Variants in PLEKHA5 observed in about 807,000 individuals in gnomAD.
PLEKHA5 encodes pleckstrin homology domain containing A5, also known as pleckstrin homology domain-containing family A member 5.
A neutral mutation model predicts 181.9 loss-of-function variants in PLEKHA5; 55 were observed. The observed-to-expected ratio is 0.30, with a 90% CI of 0.24 to 0.38. The LOEUF is 0.38. Ranked by LOEUF, PLEKHA5 falls within the 10% of genes least tolerant of loss-of-function variation. PLEKHA5 has a pLI of 1.00. For missense variants in PLEKHA5, 1,432 were observed against 1,549.5 expected (o/e 0.92, Z 1.27); for synonymous variants, 535 against 529.4 (o/e 1.01, Z -0.15).
intron 3 of PLEKHA5, among the ~76,000 whole-genome samples, chr12:19,199,866 G>A (rs1289842071): frequency 6.6e-6 from 1 of 152,072 alleles, no homozygotes; most frequent in Non-Finnish European, 1.5e-5. Flanking sequence ...GGAACTGGAG[G>A]TCATTAAGTG....
chr12:19,211,510 T>C (rs1477087877), intron 3 of PLEKHA5, among the ~76,000 whole-genome samples: 1 of 152,116 alleles, frequency 6.6e-6, no homozygotes. Flanking sequence ...ACCATGAACT[T>C]ATTCTCCTTT....
intron 29 of PLEKHA5, among the ~76,000 whole-genome samples, chr12:19,362,390 C>T (rs2095278440): frequency 1.3e-5 from 2 of 151,670 alleles, no homozygotes; most frequent in African/African-American, 4.8e-5. Context: ...AAAAATTAGC[C>T]AGACATGGTG....
intron 25 of PLEKHA5, among the ~76,000 whole-genome samples, chr12:19,351,352 C>T (rs1047858915): frequency 6.6e-6 from 1 of 152,104 alleles, no homozygotes; most frequent in Non-Finnish European, 1.5e-5. Context: ...GCCTGGGCAA[C>T]ATAACCAGAC....
intron 13 of PLEKHA5, among the ~76,000 whole-genome samples, chr12:19,287,801 G>A (rs1434600302): frequency 2.6e-5 from 4 of 152,116 alleles, no homozygotes; most frequent in African/African-American, 9.7e-5. Context: ...CTTTATGGCC[G>A]GGCACGGTGG....
At chr12:19,267,608 C>T (rs1053456651) in intron 8 of PLEKHA5, among the ~76,000 whole-genome samples, 6 of 151,660 alleles carry the variant, frequency 4.0e-5, no homozygotes, top group South Asian at 2.1e-4. Flanking sequence ...TGCAGTAAGC[C>T]GAGATCGTGC....
Position 19,287,544 on chromosome 12 carries a change from C to T in PLEKHA5, c.1851C>T (p.Leu617=). The part of the protein sequence containing the change: ...LTLQSVSPQS[L]QGKTPEELTL... Reference sequence around the variant, plus strand: ...TACAGTCTGTTAGTCCCCAGAGCCTCCAAGGGAAAACGGTGAGTAATATCT... The same window carrying T: ...TACAGTCTGTTAGTCCCCAGAGCCTTCAAGGGAAAACGGTGAGTAATATCT... The change falls in exon 13 of 32, where the codon CTC becomes CTT. Residue 617 remains leucine, a synonymous_variant. Transcript: ENST00000429027. 6.3e-7 allele frequency: 1 copy of T among 1,592,252 alleles called. No homozygotes were observed. The highest frequency in any genetic ancestry group is 8.6e-7 in the Non-Finnish European group (1 of 1,161,508).
At chr12:19,317,797 A>G (rs1334411789) in intron 16 of PLEKHA5, among the ~76,000 whole-genome samples, 5 of 152,070 alleles carry the variant, frequency 3.3e-5, no homozygotes, top group African/African-American at 2.4e-5. Flanking sequence ...TAAAATCCAT[A>G]TAACACACTC....
chr12:19,213,197 C>T (rs1312833873), intron 3 of PLEKHA5, among the ~76,000 whole-genome samples: 1 of 151,862 alleles, frequency 6.6e-6, no homozygotes, highest in East Asian at 1.9e-4. Flanking sequence ...GGATGGGGAA[C>T]GATTTCTTCT....
At chr12:19,229,691 A>G (rs939822834) in intron 3 of PLEKHA5, among the ~76,000 whole-genome samples, 4 of 152,130 alleles carry the variant, frequency 2.6e-5, no homozygotes, top group African/African-American at 9.7e-5. Context: ...GTGGAAGAAG[A>G]CCCAAGCAGG....
At chr12:19,244,802 T>C (rs1289596774) in intron 3 of PLEKHA5, among the ~76,000 whole-genome samples, 1 of 152,200 alleles carries the variant, frequency 6.6e-6, no homozygotes, top group African/African-American at 2.4e-5. Flanking sequence ...CACTGCATAA[T>C]AAAGGTTGCT....
intron 3 of PLEKHA5, among the ~76,000 whole-genome samples, chr12:19,192,966 T>A (rs527456169): frequency 1.4e-4 from 21 of 152,340 alleles, no homozygotes; most frequent in Non-Finnish European, 7.3e-5. Context: ...ATTTATGTAA[T>A]GTCTATGGCT....
At chr12:19,181,998 A>G (rs1187663876) in intron 3 of PLEKHA5, among the ~76,000 whole-genome samples, 2 of 152,174 alleles carry the variant, frequency 1.3e-5, no homozygotes, top group African/African-American at 2.4e-5. Context: ...TCAAGAGATT[A>G]TATATTACAT....
intron 3 of PLEKHA5, among the ~76,000 whole-genome samples, chr12:19,219,512 C>T (rs2058590730): frequency 1.8e-5 from 1 of 55,780 alleles, no homozygotes. Context: ...TCCTGTTTCC[C>T]TTCTTTTTTT....
At chr12:19,197,614 T>C (rs2053140456) in intron 3 of PLEKHA5, among the ~76,000 whole-genome samples, 1 of 150,204 alleles carries the variant, frequency 6.7e-6, no homozygotes, top group South Asian at 2.1e-4. Context: ...TTCCCAAAGA[T>C]ACACCGAGCA....
chr12:19,265,832 T>C lies in PLEKHA5; in HGVS notation c.693T>C (p.Asn231=), dbSNP rs1176400576. Residue 231 remains asparagine (N), a synonymous_variant, in exon 8 of 32, where the codon AAT becomes AAC. Transcript: ENST00000429027. ...TGCTTACCTCTGAAGATCACATTAA[T>C]CGCAAATATGCTTTTAAGGTAAGGA... ...IALLTSEDHI[N]RKYAFKAAHP... is the part of the protein sequence containing the mutation. 6.3e-7 allele frequency: 1 copy of C among 1,590,922 alleles called. No homozygotes were observed. Among genetic ancestry groups the C allele is most frequent in the South Asian group, 1.1e-5 (1 of 89,716 alleles).
intron 3 of PLEKHA5, among the ~76,000 whole-genome samples, chr12:19,248,080 G>A (rs2064246915): frequency 6.6e-6 from 1 of 152,032 alleles, no homozygotes; most frequent in Non-Finnish European, 1.5e-5. Context: ...AAAATTAGGT[G>A]GGTGTGATGG....
At chr12:19,186,617 G>C (rs1281708487) in intron 3 of PLEKHA5, among the ~76,000 whole-genome samples, 1 of 152,148 alleles carries the variant, frequency 6.6e-6, no homozygotes, top group Non-Finnish European at 1.5e-5. Context: ...GATTGAAATT[G>C]AGTCCAGTCT....
At chr12:19,303,914 G>C (rs936782723) in intron 15 of PLEKHA5, 62 of 142,870 alleles carry the variant, frequency 4.3e-4, no homozygotes, top group African/African-American at 1.6e-3. Flanking sequence ...CCCCTAGGCT[G>C]AAGTGATCCT....
intron 4 of PLEKHA5, among the ~76,000 whole-genome samples, chr12:19,254,243 C>T (rs563954752): frequency 1.4e-4 from 22 of 152,218 alleles, no homozygotes; most frequent in South Asian, 2.1e-4. Flanking sequence ...GTACTTCAAA[C>T]GCAGTAAGCT....
Sources: allele counts gnomAD v4.1 joint callset (sites outside exome capture counted in the v4.1 genomes callset), GRCh38; gene constraint gnomAD v4.1.1; transcripts MANE v1.5; gene names NCBI Gene and HGNC (gene_info 2026-07-23, HGNC 2026-07-21).